The following PCDH15 variants were observed in gnomAD, a reference collection of about 807,000 sequenced individuals.
The protein encoded by PCDH15 is protocadherin-15.
In PCDH15, 129 loss-of-function variants were observed where a neutral mutation model predicts 178.5. That is an observed-to-expected ratio of 0.72 (90% CI 0.63 to 0.84). The LOEUF (loss-of-function observed/expected upper bound fraction) is 0.84, where lower values mean the gene tolerates loss of function less well. Ranked by LOEUF, PCDH15 falls within the 40% of genes least tolerant of loss-of-function variation. The pLI, the probability that PCDH15 is intolerant of heterozygous loss-of-function variation, is 0.00. For missense variants in PCDH15, 2,230 were observed against 2,099.9 expected (o/e 1.06, Z -1.21); for synonymous variants, 800 against 732.0 (o/e 1.09, Z -1.50).
chr10:53,894,169 T>A (rs184792386), intron 26 of PCDH15, among the ~76,000 whole-genome samples: 1 of 152,216 alleles, frequency 6.6e-6, no homozygotes, highest in Non-Finnish European at 1.5e-5. Context: ...GAAATTTAAA[T>A]TCTAGTAGGA....
chr10:54,603,187 C>T (rs899306408), intron 2 of PCDH15, among the ~76,000 whole-genome samples: 2 of 151,694 alleles, frequency 1.3e-5, no homozygotes, highest in African/African-American at 4.8e-5. Context: ...CATAACAGTC[C>T]CTTAAGGGCT....
At chr10:54,622,731 A>ATAATATAT (rs1287385543) in intron 2 of PCDH15, among the ~76,000 whole-genome samples, 2 of 35,052 alleles carry the variant, frequency 5.7e-5, no homozygotes, top group African/African-American at 2.2e-4. Flanking sequence ...TATATTATAT[A>ATAATATAT]ATTATATATA....
At chr10:55,307,455 A>T (rs1564991285) in intron 1 of PCDH15, among the ~76,000 whole-genome samples, 1 of 151,814 alleles carries the variant, frequency 6.6e-6, no homozygotes, top group Admixed American at 6.6e-5. Flanking sequence ...GTGAGCCAAG[A>T]TCGCACCACT....
intron 2 of PCDH15, among the ~76,000 whole-genome samples, chr10:55,048,759 A>T (rs1841078869): frequency 6.6e-6 from 1 of 151,842 alleles, no homozygotes; most frequent in Non-Finnish European, 1.5e-5. Context: ...CCTAGAAATG[A>T]TATTTATTTT....
intron 14 of PCDH15, among the ~76,000 whole-genome samples, chr10:54,150,664 C>CTT (rs140413918): frequency 0.03 from 4,506 of 150,792 alleles, 81 homozygotes; most frequent in Middle Eastern, 0.083. Context: ...TTTGTTGTTT[C>CTT]TTTCCAGAGA....
intron 14 of PCDH15, among the ~76,000 whole-genome samples, chr10:54,146,398 T>A (rs1479378645): frequency 6.6e-6 from 1 of 151,786 alleles, no homozygotes; most frequent in Non-Finnish European, 1.5e-5. Flanking sequence ...GGAGAGAGAG[T>A]GTCTCTTATT....
chr10:53,908,190 T>G (rs970305582), intron 25 of PCDH15, among the ~76,000 whole-genome samples: 7 of 152,036 alleles, frequency 4.6e-5, no homozygotes, highest in African/African-American at 1.7e-4. Flanking sequence ...ATTAAATGAG[T>G]AGAGGTCAGG....
At chr10:54,451,533 G>C (rs534594323) in intron 3 of PCDH15, among the ~76,000 whole-genome samples, 30 of 151,960 alleles carry the variant, frequency 2.0e-4, no homozygotes, top group African/African-American at 7.0e-4. Context: ...CTAATAGCTT[G>C]GGACCTACAT....
intron 9 of PCDH15, among the ~76,000 whole-genome samples, chr10:54,219,961 A>G (rs1216698871): frequency 6.6e-6 from 1 of 152,170 alleles, no homozygotes; most frequent in Non-Finnish European, 1.5e-5. Flanking sequence ...CCAAGTCTTC[A>G]TAATTCTTGA....
intron 27 of PCDH15, among the ~76,000 whole-genome samples, chr10:53,861,463 T>C (rs2079102890): frequency 6.6e-6 from 1 of 152,132 alleles, no homozygotes; most frequent in Non-Finnish European, 1.5e-5. Flanking sequence ...TTCTATGTCC[T>C]TTCCATTTAT....
At chr10:55,005,635 A>AT (rs202146225) in intron 2 of PCDH15, among the ~76,000 whole-genome samples, 2 of 151,856 alleles carry the variant, frequency 1.3e-5, no homozygotes, top group Non-Finnish European at 2.9e-5. Flanking sequence ...TGACTTCCAC[A>AT]TTTTTTTCCC....
intron 8 of PCDH15, among the ~76,000 whole-genome samples, chr10:54,275,042 T>C (rs2058273229): frequency 6.6e-6 from 1 of 151,832 alleles, no homozygotes; most frequent in African/African-American, 2.4e-5. Context: ...AAAGAAAATA[T>C]AAAACGTTAC....
intron 1 of PCDH15, among the ~76,000 whole-genome samples, chr10:55,171,943 T>C (rs1839345807): frequency 6.6e-6 from 1 of 152,054 alleles, no homozygotes. Flanking sequence ...CAAGCTTTTA[T>C]TAAAAATGCC....
At chr10:55,337,725 A>G (rs537950496) in intron 2 of PCDH15, among the ~76,000 whole-genome samples, 1 of 152,338 alleles carries the variant, frequency 6.6e-6, no homozygotes, top group African/African-American at 2.4e-5. Context: ...TGACCTTTTC[A>G]ACATTTATCA....
In PCDH15 at chr10:54,786,634, G is replaced by A. The variant is rs916646523; in HGVS notation, c.-29+14291C>T. ...GGGAATATAGTCATAAGAAAGATAC[G>A]TTTTTATTAAAGCAGAATTTTAAAT... On this transcript the variant is annotated intron_variant, in intron 1 of 37. Coordinates refer to ENST00000644397, the MANE Select transcript of PCDH15 (RefSeq NM_001384140.1). Among the ~76,000 whole-genome samples, 14 of 151,902 alleles carry A rather than the reference G, an allele frequency of 9.2e-5. No individual in the cohort carries two copies. In the East Asian group the frequency reaches 1.2e-3, roughly 13 times the overall value.
intron 1 of PCDH15, among the ~76,000 whole-genome samples, chr10:55,238,145 C>CTTTTT (rs758000610): frequency 3.5e-4 from 43 of 124,448 alleles, no homozygotes; most frequent in South Asian, 7.9e-4. Context: ...TTCATATTTT[C>CTTTTT]TTTTTTTTTT....
chr10:54,221,551 TTC>T (rs1172919251), intron 9 of PCDH15, among the ~76,000 whole-genome samples: 3 of 152,122 alleles, frequency 2.0e-5, no homozygotes, highest in African/African-American at 7.2e-5. Flanking sequence ...ACTGATCACT[TTC>T]TGTCTGTCAG....
rs542796576 is a variant in PCDH15 at position 54,002,031 on chromosome 10, T to C, written c.2752-6266A>G. Among the ~76,000 whole-genome samples, 11 of 141,082 alleles carry C rather than the reference T, an allele frequency of 7.8e-5. No homozygotes were observed. In the South Asian group the frequency reaches 2.4e-3, roughly 30 times the overall value. The allele number at this position is 141,082 out of a possible 152,430, so 92.6% of individuals were successfully genotyped here. A position where few individuals can be genotyped will look rare whatever the true frequency, so the allele number is the denominator to read the frequency against. Reference sequence around the variant, plus strand: ...TCAATTTATCAGGAAGATATAACAATTGTAAATATATATACATATATGTAT... The same window carrying C: ...TCAATTTATCAGGAAGATATAACAACTGTAAATATATATACATATATGTAT... On this transcript the variant is annotated intron_variant, in intron 20 of 37. Transcript: ENST00000644397.
intron 1 of PCDH15, among the ~76,000 whole-genome samples, chr10:54,798,508 A>G (rs1952294043): frequency 6.6e-6 from 1 of 152,066 alleles, no homozygotes. Flanking sequence ...GCATGTGAAA[A>G]CCACAGATAC....
Sources: allele counts gnomAD v4.1 joint callset (sites outside exome capture counted in the v4.1 genomes callset), GRCh38; gene constraint gnomAD v4.1.1; transcripts MANE v1.5; gene names NCBI Gene and HGNC (gene_info 2026-07-23, HGNC 2026-07-21).